The following UGT2A2 variants were observed in gnomAD, a reference collection of about 807,000 sequenced individuals.
UGT2A2 encodes UDP glucuronosyltransferase family 2 member A2.
Under a neutral mutation model 50.7 loss-of-function variants are expected in UGT2A2, and 60 were observed. The ratio of observed to expected loss-of-function variants is 1.18; its 90% CI spans 0.96 to 1.47. UGT2A2 has a LOEUF of 1.47. UGT2A2 is among the 40% of genes most tolerant of loss of function. The pLI is 0.00. For missense variants in UGT2A2, 762 were observed against 634.0 expected (o/e 1.20, Z -2.17); for synonymous variants, 242 against 214.6 (o/e 1.13, Z -1.11).
At chr4:69,600,944 T>C (rs1719250366) in intron 1 of UGT2A2, among the ~76,000 whole-genome samples, 1 of 151,994 alleles carries the variant, frequency 6.6e-6, no homozygotes, top group Non-Finnish European at 1.5e-5. Context: ...CTTCCAACAT[T>C]GGGGATCACA....
rs1036447390 is a variant in UGT2A2 at position 69,588,568 on chromosome 4, A to G, written c.*804T>C. On this transcript the variant is annotated 3_prime_UTR_variant, in exon 6 of 6. Transcript: ENST00000604629. ...TGTACAGTTGACTAAAAATTTTATAAAAATGATAATTATTTTCTAGATTTC... is the reference window on the plus strand; with the variant it reads ...TGTACAGTTGACTAAAAATTTTATAGAAATGATAATTATTTTCTAGATTTC... The G allele has an allele frequency of 1.3e-5, 2 of 152,102 alleles. No homozygotes were observed. Among genetic ancestry groups the G allele is most frequent in the African/African-American group, 4.8e-5 (2 of 41,454 alleles). The allele number at this position is 152,102 out of a possible 1,614,324, so 9.4% of individuals were successfully genotyped here.
chr4:69,593,861 A>G (rs28726183), intron 5 of UGT2A2, among the ~76,000 whole-genome samples: 30,851 of 151,650 alleles, frequency 0.2, 3,237 homozygotes, highest in Middle Eastern at 0.31. Context: ...ATATGTACAT[A>G]CTTACTAATT....
chr4:69,594,196 G>A (rs1262680473), intron 5 of UGT2A2, among the ~76,000 whole-genome samples: 2 of 151,940 alleles, frequency 1.3e-5, no homozygotes, highest in Middle Eastern at 3.4e-3. Context: ...GGATGGTCTC[G>A]ATCTCCGGAC....
chr4:69,621,557 G>C, intron 1 of UGT2A2, among the ~76,000 whole-genome samples: 1 of 151,676 alleles, frequency 6.6e-6, no homozygotes, highest in East Asian at 1.9e-4. Flanking sequence ...TTGGTAGAAG[G>C]GTAAATTAGT....
rs2109944228 is a variant in UGT2A2 at position 69,625,348 on chromosome 4, G to A, written c.742+13551C>T. Among the ~76,000 whole-genome samples, 2 of 150,642 alleles carry A rather than the reference G, an allele frequency of 1.3e-5. 1 individual carries two copies. Among genetic ancestry groups the A allele is most frequent in the Non-Finnish European group, 3.0e-5 (2 of 67,278 alleles). On this transcript the variant is annotated intron_variant, in intron 1 of 5. Transcript: ENST00000604629. ...GAATTCACCAAATTTGAAAAATTTG[G>A]GGCCATTATTTATTTTAATATTTTT...
At position 69,589,474 on chromosome 4, in the gene UGT2A2, G is replaced by GA; in HGVS notation, c.1508dup (p.Leu505AlafsTer24). On this transcript the variant is annotated frameshift_variant, in exon 6 of 6. Coordinates refer to ENST00000604629, the MANE Select transcript of UGT2A2 (RefSeq NM_001105677.2). LOFTEE classifies it high-confidence loss of function. ...TAGCCGTTGTCACACAGACCAGCAA[G>GA]AACCCAATTACATCCAAAGAGTGGT... 1 of 1,614,026 alleles carries GA rather than the reference G, an allele frequency of 6.2e-7. No homozygotes were observed. The highest frequency in any genetic ancestry group is 8.5e-7 in the Non-Finnish European group (1 of 1,180,018).
In UGT2A2 at chr4:69,588,654, C is replaced by G. The variant is rs1718392248; in HGVS notation, c.*718G>C. 1 of 151,664 alleles carries G rather than the reference C, an allele frequency of 6.6e-6. No homozygotes were observed. Among genetic ancestry groups the G allele is most frequent in the African/African-American group, 2.4e-5 (1 of 41,324 alleles). 9.4% of individuals were successfully genotyped at this position (151,664 alleles called of 1,614,324 possible). ...TTCAACATATAACATAGAACTTTCT[C>G]CTTGAAATAAAAGAGTCGATTGATT... On this transcript the variant is annotated 3_prime_UTR_variant, in exon 6 of 6. Transcript: ENST00000604629.
intron 1 of UGT2A2, among the ~76,000 whole-genome samples, chr4:69,627,626 A>G (rs1721164445): frequency 2.0e-5 from 3 of 151,680 alleles, no homozygotes; most frequent in Admixed American, 1.3e-4. Flanking sequence ...GAAGAAAGAA[A>G]AAAGAAAATC....
chr4:69,610,259 G>A (rs530029041), intron 1 of UGT2A2, among the ~76,000 whole-genome samples: 22 of 151,738 alleles, frequency 1.4e-4, no homozygotes, highest in Non-Finnish European at 3.1e-4. Flanking sequence ...AAAAAAAGTT[G>A]CATTGAATTC....
At position 69,602,532 on chromosome 4, in the gene UGT2A2, C is replaced by G. The variant is rs770619687; in HGVS notation, c.743-3138G>C. On this transcript the variant is annotated intron_variant, in intron 1 of 5. Transcript: ENST00000604629. ...CTGATATCATGTTATGTAACAAATC[C>G]AAAACAATATACAGATAAATCTTCA... is the stretch of plus-strand genomic sequence containing the variant. Among the ~76,000 whole-genome samples, 10 of 136,012 alleles carry G rather than the reference C, an allele frequency of 7.4e-5. 3 individuals carry two copies. Among genetic ancestry groups the G allele is most frequent in the African/African-American group, 3.0e-4 (10 of 33,586 alleles). 89.2% of individuals were successfully genotyped at this position (136,012 alleles called of 152,430 possible). A position where few individuals can be genotyped will look rare whatever the true frequency, so the allele number is the denominator to read the frequency against.
Position 69,594,691 on chromosome 4 carries a change from G to A in UGT2A2, c.1117C>T (p.Pro373Ser), listed in dbSNP as rs1718813734. ...TGAGTGATAAAAGCTTTGGTTTTGG[G>A]ATGTCCTAATTTGAGGATGGAGTGA... is the stretch of plus-strand genomic sequence containing the variant. ...WIPQNDLLGH[P>S]KTKAFITHGG... The change falls in exon 5 of 6, where the codon CCC becomes TCC. Residue 373 changes from proline (P) to serine (S), a missense_variant. By Grantham distance (74) the Pro-to-Ser change is moderately conservative. Coordinates refer to ENST00000604629, the MANE Select transcript of UGT2A2 (RefSeq NM_001105677.2). 1 of 1,613,098 alleles carries A rather than the reference G, an allele frequency of 6.2e-7. No individual in the cohort carries two copies. Among genetic ancestry groups the A allele is most frequent in the Non-Finnish European group, 8.5e-7 (1 of 1,179,526 alleles).
At chr4:69,596,104 A>G (rs1312775180) in intron 3 of UGT2A2, 146 bp downstream of exon 3, 1 of 1,201,530 alleles carries the variant, frequency 8.3e-7, no homozygotes, top group Non-Finnish European at 1.1e-6. Flanking sequence ...CACAATTTTA[A>G]TATATTACAC....
intron 1 of UGT2A2, among the ~76,000 whole-genome samples, chr4:69,632,351 T>C (rs994855279): frequency 6.6e-6 from 1 of 152,018 alleles, no homozygotes; most frequent in Non-Finnish European, 1.5e-5. Context: ...TTTCCACAAG[T>C]AGGGAAATTC....
At chr4:69,638,012 G>A (rs1425726194) in intron 1 of UGT2A2, among the ~76,000 whole-genome samples, 21 of 150,998 alleles carry the variant, frequency 1.4e-4, no homozygotes, top group Admixed American at 1.4e-3. Context: ...AGGAAGGAAG[G>A]AAGGAAGGAA....
At chr4:69,597,723 C>G (rs1719017107) in intron 2 of UGT2A2, among the ~76,000 whole-genome samples, 1 of 151,902 alleles carries the variant, frequency 6.6e-6, no homozygotes, top group Non-Finnish European at 1.5e-5. Flanking sequence ...ATAACACACA[C>G]ACACACACAC....
chr4:69,590,584 A>T (rs1718531803), intron 5 of UGT2A2, among the ~76,000 whole-genome samples: 1 of 152,086 alleles, frequency 6.6e-6, no homozygotes, highest in South Asian at 2.1e-4. Flanking sequence ...GTCATCATTT[A>T]CAAGAGAACA....
At chr4:69,598,305 G>A (rs563019170) in intron 2 of UGT2A2, among the ~76,000 whole-genome samples, 1 of 152,208 alleles carries the variant, frequency 6.6e-6, no homozygotes, top group Non-Finnish European at 1.5e-5. Context: ...ATTTGCTTGT[G>A]TATAAACCAA....
At chr4:69,621,904 A>G (rs1340396544) in intron 1 of UGT2A2, among the ~76,000 whole-genome samples, 2 of 151,816 alleles carry the variant, frequency 1.3e-5, no homozygotes, top group African/African-American at 4.8e-5. Flanking sequence ...ACTAATGCAG[A>G]CACAGAACAC....
chr4:69,599,507 T>A (rs1409196801), intron 1 of UGT2A2, 113 bp from the exon 2 acceptor site: 2 of 1,436,030 alleles, frequency 1.4e-6, no homozygotes, highest in Admixed American at 2.4e-5. Flanking sequence ...CTGAATTAGG[T>A]CTTCTAGAAT....
Sources: gnomAD v4.1 joint callset for allele counts (sites outside exome capture counted in the v4.1 genomes callset) on GRCh38, gnomAD v4.1.1 for gene constraint, MANE v1.5 for transcripts, NCBI Gene and HGNC (gene_info 2026-07-23, HGNC 2026-07-21) for gene names.